The following NBPF3 variants were observed in gnomAD, a reference collection of about 807,000 sequenced individuals.
NBPF3 encodes the protein NBPF member 3, also known as NBPF family member NBPF3.
Under a neutral mutation model 78.1 loss-of-function variants are expected in NBPF3, and 57 were observed. The ratio of observed to expected loss-of-function variants is 0.73; its 90% CI spans 0.59 to 0.91. The LOEUF is 0.91. NBPF3 is among the 40% of genes least tolerant of loss of function. The pLI is 0.00. For synonymous variants in NBPF3, 182 were observed against 271.7 expected, an observed-to-expected ratio of 0.67 and a Z score of 3.25; for missense variants, 510 against 715.3, an observed-to-expected ratio of 0.71 and a Z score of 3.27.
At chr1:21,474,448 C>T (rs186879371) in intron 7 of NBPF3, among the ~76,000 whole-genome samples, 2 of 152,324 alleles carry the variant, frequency 1.3e-5, no homozygotes, top group African/African-American at 4.8e-5. Context: ...AAATGATTCA[C>T]CTTCCTTGAC....
chr1:21,439,327 A>T (rs1230148520), upstream of NBPF3, among the ~76,000 whole-genome samples: 1 of 152,064 alleles, frequency 6.6e-6, no homozygotes, highest in African/African-American at 2.4e-5. Context: ...CGTCTCTACT[A>T]AAAATACAAC....
At chr1:21,473,051 T>C (rs1335902940) in intron 6 of NBPF3, 136 bp downstream of exon 6, 36 of 758,868 alleles carry the variant, frequency 4.7e-5, no homozygotes, top group Middle Eastern at 7.1e-4. Context: ...TCAAGCCAGC[T>C]TGGACACAGG....
chr1:21,471,715 G>C lies in NBPF3; in HGVS notation c.593G>C (p.Arg198Pro), dbSNP rs16825377. 21 of 1,613,210 alleles carry C rather than the reference G, an allele frequency of 1.3e-5. No homozygotes were observed. The highest frequency in any genetic ancestry group is 1.7e-4 in the Middle Eastern group (1 of 5,816). The change falls in exon 5 of 15, where the codon CGG becomes CCG. Residue 198 changes from arginine to proline, a missense_variant. By Grantham distance (103) the Arg-to-Pro change is moderately radical. Around this residue, in one of 5 missense-constraint regions of NBPF3, gnomAD observed 440 missense variants for 478.2 expected, o/e 0.92. Transcript: ENST00000318249. ...GATGAGCCGGACAACTCCCAGGGAC[G>C]GGACCTCCGAGAACAGCTGGCTGAG... ...TPDEPDNSQG[R>P]DLREQLAEGC...
At position 21,480,536 on chromosome 1, in the gene NBPF3, C is replaced by T. The variant is rs540898562; in HGVS notation, c.1381+313C>T. Among the ~76,000 whole-genome samples the T allele has an allele frequency of 4.3e-4, 65 of 151,286 alleles. No homozygotes were observed. In the East Asian group the frequency reaches 8.2e-3, roughly 19 times the overall value. On this transcript the variant is annotated intron_variant, in intron 11 of 14. Transcript: ENST00000318249. ...TTGGACTCAAGGGTTTGTAGATTTC[C>T]TCCTTCATTCAAATTTCAGTGTCTT...
intron 2 of NBPF3, among the ~76,000 whole-genome samples, chr1:21,449,407 C>A (rs1569942768): frequency 6.6e-6 from 1 of 152,052 alleles, no homozygotes; most frequent in African/African-American, 2.4e-5. Context: ...CTATGAAAAT[C>A]GAGATGATAC....
upstream of NBPF3, among the ~76,000 whole-genome samples, chr1:21,439,723 C>T (rs1640514459): frequency 6.6e-6 from 1 of 152,008 alleles, no homozygotes. Flanking sequence ...TCACGCCTGG[C>T]CCTATTTGAA....
At chr1:21,467,179 C>T (rs1215818228) in intron 2 of NBPF3, 2 of 985,470 alleles carry the variant, frequency 2.0e-6, no homozygotes, top group African/African-American at 1.7e-5. Context: ...GGTTTCCTTA[C>T]AGTGTCATTG....
intron 6 of NBPF3, 110 bp downstream of exon 6, chr1:21,473,025 CCA>C (rs1642688954): frequency 2.3e-6 from 2 of 865,154 alleles, no homozygotes; most frequent in Non-Finnish European, 3.8e-6. Context: ...ATTCCCTTGG[CCA>C]CAGTATGAGA....
At chr1:21,451,645 G>A in intron 2 of NBPF3, 1 of 154,770 alleles carries the variant, frequency 6.5e-6, no homozygotes, top group Non-Finnish European at 1.4e-5. Flanking sequence ...GCTTCTGTCA[G>A]GCCACAAAGG....
chr1:21,457,348 G>GTATA (rs148261967), intron 2 of NBPF3, among the ~76,000 whole-genome samples: 3 of 109,594 alleles, frequency 2.7e-5, no homozygotes, highest in African/African-American at 8.6e-5. Context: ...GTGTGTGTGT[G>GTATA]TATATATATA....
chr1:21,457,656 T>G (rs1641707051), intron 2 of NBPF3, among the ~76,000 whole-genome samples: 1 of 152,208 alleles, frequency 6.6e-6, no homozygotes, highest in South Asian at 2.1e-4. Context: ...TATAAAGCAC[T>G]TGGAAGTCTT....
chr1:21,436,803 G>A, upstream of NBPF3: 3 of 1,136,282 alleles, frequency 2.6e-6, no homozygotes, highest in Admixed American at 4.0e-5. This position sits in a 1 kb window ranked among gnomAD's most constrained non-coding sequence, Gnocchi z 4.3. Flanking sequence ...ACCAGCTGCA[G>A]GTCCAGGTAG....
At position 21,465,285 on chromosome 1, in the gene NBPF3, A is replaced by G. The variant is rs1393361442; in HGVS notation, c.134-3403A>G. On this transcript the variant is annotated intron_variant, in intron 2 of 14. Transcript: ENST00000318249. ...AATCATCCCATAAACTGTAAGGTCA[A>G]TGCTGTCAGTGAGTCCCCAAATTGA... Among the ~76,000 whole-genome samples the G allele has an allele frequency of 3.2e-4, 49 of 152,370 alleles. No individual in the cohort carries two copies. In the South Asian group the frequency reaches 7.2e-3, roughly 23 times the overall value.
At chr1:21,478,888 A>G (rs1363410849) in intron 9 of NBPF3, among the ~76,000 whole-genome samples, 1 of 152,242 alleles carries the variant, frequency 6.6e-6, no homozygotes, top group Non-Finnish European at 1.5e-5. Context: ...AAAAGCCATG[A>G]TAGCTGATGC....
chr1:21,463,122 G>T (rs1036411766), intron 2 of NBPF3, among the ~76,000 whole-genome samples: 3 of 152,172 alleles, frequency 2.0e-5, no homozygotes, highest in Non-Finnish European at 4.4e-5. Flanking sequence ...CCTGAAACAG[G>T]TCTTCTTTCT....
At chr1:21,469,936 G>A (rs1375469556) in intron 3 of NBPF3, among the ~76,000 whole-genome samples, 1 of 152,216 alleles carries the variant, frequency 6.6e-6, no homozygotes, top group Non-Finnish European at 1.5e-5. Context: ...GGGTACTACA[G>A]AAATACCTAC....
At chr1:21,464,457 GGGGAATTGGAGAGTGTCT>G (rs1451012132) in intron 2 of NBPF3, among the ~76,000 whole-genome samples, 1 of 151,882 alleles carries the variant, frequency 6.6e-6, no homozygotes, top group Non-Finnish European at 1.5e-5. Context: ...CACAAGAGGG[GGGGAATTGGAGAGTGTCT>G]GCCCATAGGT....
intron 2 of NBPF3, among the ~76,000 whole-genome samples, chr1:21,462,910 A>G (rs1642030708): frequency 6.6e-6 from 1 of 152,272 alleles, no homozygotes; most frequent in Non-Finnish European, 1.5e-5. Flanking sequence ...GGCAGTGGAC[A>G]TGAGCCATAA....
intron 3 of NBPF3, among the ~76,000 whole-genome samples, chr1:21,469,361 C>T (rs1022622261): frequency 1.3e-5 from 2 of 152,114 alleles, no homozygotes; most frequent in Non-Finnish European, 2.9e-5. Context: ...TACACAGTAC[C>T]CGCTCTGAGG....
Sources: allele counts gnomAD v4.1 joint callset (sites outside exome capture counted in the v4.1 genomes callset), GRCh38; gene constraint gnomAD v4.1.1; regional missense constraint gnomAD v4.1.1; non-coding constraint Gnocchi (gnomAD v3.1); transcripts MANE v1.5; gene names NCBI Gene and HGNC (gene_info 2026-07-23, HGNC 2026-07-21).